The following DAO variants were observed in gnomAD, a reference collection of about 807,000 sequenced individuals.
The protein encoded by DAO is D-amino-acid oxidase.
In DAO, 51 loss-of-function variants were observed where a neutral mutation model predicts 50.1. The observed-to-expected ratio is 1.02, with a 90% confidence interval of 0.81 to 1.29. The LOEUF (loss-of-function observed/expected upper bound fraction) is 1.29, where lower values mean the gene tolerates loss of function less well. DAO is among the 50% of genes most tolerant of loss of function. DAO has a pLI of 0.00. For synonymous variants in DAO, 160 were observed against 166.2 expected, an observed-to-expected ratio of 0.96 and a Z score of 0.29; for missense variants, 436 against 439.4, an observed-to-expected ratio of 0.99 and a Z score of 0.07.
chr12:108,880,603 C>G (rs2039366541), intron 1 of DAO, among the ~76,000 whole-genome samples: 2 of 146,466 alleles, frequency 1.4e-5, no homozygotes, highest in Admixed American at 1.4e-4. Flanking sequence ...TTTATAGCTT[C>G]TGTTCCATTT....
At chr12:108,882,932 G>A (rs1378919838) in intron 1 of DAO, among the ~76,000 whole-genome samples, 1 of 152,104 alleles carries the variant, frequency 6.6e-6, no homozygotes, top group Non-Finnish European at 1.5e-5. Flanking sequence ...AGGATTGCTT[G>A]AGCCTAGGAA....
intron 5 of DAO, 64 bp from the exon 6 acceptor site, chr12:108,892,918 C>A: frequency 6.7e-7 from 1 of 1,486,782 alleles, no homozygotes; most frequent in Non-Finnish European, 9.4e-7. Context: ...CCCTGTGCCA[C>A]CCTCTTGGTG....
intron 8 of DAO, 130 bp downstream of exon 8, chr12:108,897,218 T>A (rs539414902): frequency 3.0e-5 from 21 of 698,184 alleles, no homozygotes; most frequent in Middle Eastern, 2.4e-4. Flanking sequence ...TTAGCTATTT[T>A]TTATTATTAT....
At chr12:108,893,115 T>C in intron 6 of DAO, 79 bp downstream of exon 6, 2 of 1,353,740 alleles carry the variant, frequency 1.5e-6, no homozygotes, top group Non-Finnish European at 2.1e-6. Context: ...AGTCGGGGGC[T>C]CCCTTCTCAG....
intron 5 of DAO, among the ~76,000 whole-genome samples, chr12:108,892,149 T>A (rs1468429771): frequency 6.7e-6 from 1 of 150,112 alleles, no homozygotes; most frequent in Non-Finnish European, 1.5e-5. Context: ...AGTGTATTTC[T>A]TTCTTTCTTC....
Position 108,890,122 on chromosome 12 carries a change from A to G in DAO, c.387-86A>G, listed in dbSNP as rs904158846. ...CACTACCCTTTGGGCCCACAGAACA[A>G]CATTGCTCCCACCTCCATTTCACAG... is the stretch of plus-strand genomic sequence containing the variant. On this transcript the variant is annotated intron_variant, in intron 4 of 10. Transcript: ENST00000228476. The G allele has an allele frequency of 5.2e-6, 6 of 1,161,808 alleles. No homozygotes were observed. The African/African-American group carries it at 6.0e-5, about 12-fold the overall frequency. 72.0% of individuals were successfully genotyped at this position (1,161,808 alleles called of 1,614,324 possible).
intron 5 of DAO, among the ~76,000 whole-genome samples, chr12:108,890,850 G>A (rs180828726): frequency 3.3e-5 from 5 of 152,218 alleles, no homozygotes; most frequent in Admixed American, 6.5e-5. Flanking sequence ...ATGGAGTCTC[G>A]CTCTGTCACC....
intron 7 of DAO, among the ~76,000 whole-genome samples, chr12:108,896,248 C>T (rs1164424472): frequency 3.3e-5 from 5 of 150,370 alleles, no homozygotes; most frequent in South Asian, 2.1e-4. Context: ...GTGGTGAAAC[C>T]CCATCTCTAC....
rs763346176 is a variant in DAO at position 108,894,245 on chromosome 12, C to T, written c.508-18C>T. 1 of 1,601,598 alleles carries T rather than the reference C, an allele frequency of 6.2e-7. No individual in the cohort carries two copies. The highest frequency in any genetic ancestry group is 1.3e-5 in the African/African-American group (1 of 74,758). On this transcript the variant is annotated intron_variant, in intron 6 of 10. Transcript: ENST00000228476. ...TTCCCCACCTTTCATCCCCCACTAC[C>T]CTGTTGGTTGCTACCAGGTGGCAAG...
At chr12:108,882,859 G>T (rs537199023) in intron 1 of DAO, among the ~76,000 whole-genome samples, 1 of 152,194 alleles carries the variant, frequency 6.6e-6, no homozygotes, top group South Asian at 2.1e-4. Flanking sequence ...TATAAAAATG[G>T]TCAAGCGGGC....
chr12:108,885,914 C>A (rs1566035099), intron 2 of DAO, among the ~76,000 whole-genome samples: 1 of 152,190 alleles, frequency 6.6e-6, no homozygotes, highest in Non-Finnish European at 1.5e-5. Context: ...GCCACCACGC[C>A]TGGCTAATTT....
At chr12:108,899,217 C>T (rs967922381) in intron 9 of DAO, among the ~76,000 whole-genome samples, 160 bp from the exon 10 acceptor site, 1 of 151,840 alleles carries the variant, frequency 6.6e-6, no homozygotes, top group Admixed American at 6.6e-5. Flanking sequence ...ATGTTGGTAG[C>T]TGATAAAGAT....
chr12:108,889,966 C>T (rs2039473469), intron 4 of DAO, among the ~76,000 whole-genome samples: 1 of 152,088 alleles, frequency 6.6e-6, no homozygotes, highest in South Asian at 2.1e-4. Flanking sequence ...CACCTGAATC[C>T]CCTCTACGAA....
intron 5 of DAO, among the ~76,000 whole-genome samples, chr12:108,891,922 T>G (rs1380034270): frequency 1.3e-5 from 2 of 152,006 alleles, no homozygotes; most frequent in African/African-American, 4.8e-5. Context: ...TTAAGAAGCT[T>G]CCTGGCGATT....
chr12:108,899,315 A>T, intron 9 of DAO, 62 bp from the exon 10 acceptor site: 1 of 1,190,276 alleles, frequency 8.4e-7, no homozygotes, highest in Middle Eastern at 1.9e-4. Context: ...ACTCCCTACT[A>T]CCTAAAAATG....
At chr12:108,895,400 A>AT (rs2039539322) in intron 7 of DAO, among the ~76,000 whole-genome samples, 1 of 116,242 alleles carries the variant, frequency 8.6e-6, no homozygotes, top group Non-Finnish European at 1.8e-5. Flanking sequence ...CACATATGTG[A>AT]GGGTGTGTGT....
At chr12:108,894,121 C>T (rs542777405) in intron 6 of DAO, 142 bp from the exon 7 acceptor site, 2 of 666,778 alleles carry the variant, frequency 3.0e-6, no homozygotes, top group East Asian at 5.6e-5. Context: ...AAGCCAGGCC[C>T]CTCTGATTCC....
intron 1 of DAO, among the ~76,000 whole-genome samples, chr12:108,880,599 G>C (rs1193385032): frequency 0.012 from 1,762 of 150,942 alleles, 31 homozygotes; most frequent in African/African-American, 0.041. Flanking sequence ...AACTTTTATA[G>C]CTTCTGTTCC....
chr12:108,893,374 G>A (rs1341004684), intron 6 of DAO, among the ~76,000 whole-genome samples: 1 of 152,126 alleles, frequency 6.6e-6, no homozygotes, highest in Non-Finnish European at 1.5e-5. Flanking sequence ...ACCGACATCT[G>A]TGTTGGTCTT....
Sources: allele counts gnomAD v4.1 joint callset (sites outside exome capture counted in the v4.1 genomes callset), GRCh38; gene constraint gnomAD v4.1.1; transcripts MANE v1.5; gene names NCBI Gene and HGNC (gene_info 2026-07-23, HGNC 2026-07-21).